The following PPEF1 variants were observed in gnomAD, a reference collection of about 807,000 sequenced individuals.
PPEF1 encodes protein phosphatase with EF-hand domain 1.
PPEF1 carries 12 observed loss-of-function variants against 53.3 expected under a neutral mutation model. The ratio of observed to expected loss-of-function variants is 0.23; its 90% CI spans 0.14 to 0.36. The LOEUF (loss-of-function observed/expected upper bound fraction) is 0.36, where lower values mean the gene tolerates loss of function less well. Among genes scored for constraint, PPEF1 ranks in the 10% least tolerant of loss-of-function variants. PPEF1 has a pLI of 1.00. For synonymous variants in PPEF1, 165 were observed against 176.7 expected (o/e 0.93, Z 0.52); for missense variants, 334 against 490.4 (o/e 0.68, Z 3.01).
At chrX:18,706,931 C>T (rs185916584), upstream of PPEF1, among the ~76,000 whole-genome samples, 1,248 of 97,781 alleles carry the variant, frequency 0.013, 11 homozygotes, top group Non-Finnish European at 0.02. Flanking sequence ...TGGGTTCAAG[C>T]GATTCTGCTG....
intron 9 of PPEF1, among the ~76,000 whole-genome samples, chrX:18,788,082 C>T (rs771556850): frequency 3.0e-3 from 335 of 111,444 alleles, no homozygotes; most frequent in Non-Finnish European, 4.0e-3. Context: ...TTTGGGAGGC[C>T]AAGGCGGGCG....
intron 8 of PPEF1, 111 bp from the exon 9 acceptor site, chrX:18,783,788 C>T (rs1193479134): frequency 1.4e-6 from 1 of 731,449 alleles, no homozygotes; most frequent in African/African-American, 2.1e-5. Flanking sequence ...TGACTCCTTG[C>T]TGACTTCCTT....
chrX:18,721,120 CTT>C (rs1336926033), intron 1 of PPEF1, among the ~76,000 whole-genome samples: 4 of 111,651 alleles, frequency 3.6e-5, no homozygotes, highest in Non-Finnish European at 7.5e-5. Context: ...CCAGCCCTCT[CTT>C]GTCTTCCCTT....
chrX:18,786,907 A>G (rs1054970512), intron 9 of PPEF1, among the ~76,000 whole-genome samples: 2 of 111,262 alleles, frequency 1.8e-5, no homozygotes, highest in South Asian at 3.9e-4. Flanking sequence ...TCAGTCACCA[A>G]TACAGACCCT....
Position 18,745,849 on chromosome X carries a change from A to C in PPEF1, c.236-3943A>C, listed in dbSNP as rs769373421. Among the ~76,000 whole-genome samples the C allele has an allele frequency of 5.3e-5, 6 of 112,493 alleles. No individual in the cohort carries two copies. In the South Asian group the frequency reaches 1.8e-3, roughly 34 times the overall value. ...TATTGAATTTATTATATGGACACCA[A>C]TGGTTCTGATCCAGATTCATAACTG... On this transcript the variant is annotated intron_variant, in intron 3 of 15. Transcript: ENST00000470157.
At chrX:18,741,865 G>A (rs1435888631) in intron 3 of PPEF1, among the ~76,000 whole-genome samples, 27 of 103,288 alleles carry the variant, frequency 2.6e-4, no homozygotes, top group African/African-American at 8.2e-4. Context: ...TTGCAGTGGC[G>A]CAATCTCACC....
chrX:18,779,475 G>A (rs1032179667), intron 7 of PPEF1, among the ~76,000 whole-genome samples: 2 of 111,734 alleles, frequency 1.8e-5, no homozygotes, highest in Admixed American at 1.9e-4. Context: ...GGGTAGGTGT[G>A]TGAGGCCAGG....
In PPEF1 at chrX:18,728,842, A is replaced by G. The variant is rs138268220; in HGVS notation, c.47-1339A>G. ...CTGGACCCCTGCTTTCAGAACTCAC[A>G]TCGTTCCTGTTATAGTCAACTCTTA... On this transcript the variant is annotated intron_variant, in intron 1 of 15. Coordinates refer to ENST00000470157, the MANE Select transcript of PPEF1 (RefSeq NM_001377996.1). 2.1e-4 allele frequency among the ~76,000 whole-genome samples: 23 copies of G among 111,856 alleles called. No homozygotes were observed. In the East Asian group the frequency reaches 5.9e-3, roughly 29 times the overall value.
intron 4 of PPEF1, among the ~76,000 whole-genome samples, chrX:18,757,220 T>G (rs1416389858): frequency 8.9e-6 from 1 of 111,892 alleles, no homozygotes; most frequent in African/African-American, 3.2e-5. Context: ...TTTGACCTAT[T>G]AAAATATGTT....
At chrX:18,677,217 T>G (rs1217400366) in intron 1 of PPEF1, among the ~76,000 whole-genome samples, 1 of 110,446 alleles carries the variant, frequency 9.1e-6, no homozygotes, top group Non-Finnish European at 1.9e-5. Flanking sequence ...TTTTGTATTT[T>G]TAGTAGAAAT....
At chrX:18,803,202 A>G (rs2046581978) in intron 10 of PPEF1, among the ~76,000 whole-genome samples, 1 of 112,761 alleles carries the variant, frequency 8.9e-6, no homozygotes, top group Admixed American at 9.4e-5. Flanking sequence ...GCCAAATTAA[A>G]GGAATAGGTT....
In PPEF1 at chrX:18,779,072, G is replaced by T. The variant is rs775930521; in HGVS notation, c.621G>T (p.Lys207Asn). Reference protein sequence around the residue: ...VFNGDFVDRGKNSIEILMILC... With the variant: ...VFNGDFVDRGNNSIEILMILC... Reference sequence around the variant, plus strand: ...ATGGTGACTTTGTAGATCGAGGAAAGAATTCCATAGAGATCCTAATGATCC... The same window carrying T: ...ATGGTGACTTTGTAGATCGAGGAAATAATTCCATAGAGATCCTAATGATCC... Residue 207 changes from lysine (K) to asparagine (N), a missense_variant, in exon 7 of 16, where the codon AAG (lysine) becomes AAT (asparagine). Lys to Asn is a moderately conservative substitution (Grantham distance 94). Transcript: ENST00000470157. 6 of 1,202,212 alleles carry T rather than the reference G, an allele frequency of 5.0e-6. No homozygotes were observed. Among genetic ancestry groups the T allele is most frequent in the Non-Finnish European group, 6.8e-6 (6 of 887,646 alleles).
chrX:18,788,997 G>C, intron 9 of PPEF1, 124 bp from the exon 10 acceptor site: 1 of 844,732 alleles, frequency 1.2e-6, no homozygotes, highest in Non-Finnish European at 1.7e-6. Flanking sequence ...GATGCAAAAA[G>C]TGACCGTGTG....
chrX:18,794,533 A>G (rs2046392091), intron 10 of PPEF1, among the ~76,000 whole-genome samples: 1 of 112,784 alleles, frequency 8.9e-6, no homozygotes, highest in African/African-American at 3.2e-5. Context: ...GGTAGTAGGC[A>G]GGGATGATAG....
At chrX:18,795,925 T>A (rs141284432) in intron 10 of PPEF1, among the ~76,000 whole-genome samples, 1,356 of 112,186 alleles carry the variant, frequency 0.012, 26 homozygotes, top group African/African-American at 0.041. Context: ...GGAAAAGATG[T>A]TACAGGACAC....
intron 13 of PPEF1, among the ~76,000 whole-genome samples, chrX:18,820,517 C>T (rs2147751835): frequency 9.1e-6 from 1 of 110,183 alleles, no homozygotes; most frequent in Admixed American, 9.7e-5. Flanking sequence ...TCCCGAGTAG[C>T]TGGGACTACA....
intron 4 of PPEF1, among the ~76,000 whole-genome samples, chrX:18,755,460 G>A (rs1004991368): frequency 4.5e-5 from 5 of 111,593 alleles, no homozygotes; most frequent in Non-Finnish European, 9.4e-5. Flanking sequence ...CCCGCTACTC[G>A]GGAGGCTGAG....
intron 6 of PPEF1, among the ~76,000 whole-genome samples, chrX:18,763,494 A>G (rs1212087562): frequency 1.8e-5 from 2 of 110,799 alleles, no homozygotes; most frequent in Non-Finnish European, 3.8e-5. Flanking sequence ...CAGTACTGAG[A>G]CAGTTGTTAT....
At chrX:18,825,545 T>G (rs752811176) in intron 14 of PPEF1, among the ~76,000 whole-genome samples, 1 of 112,429 alleles carries the variant, frequency 8.9e-6, no homozygotes, top group Admixed American at 9.5e-5. Flanking sequence ...TAGTTACTGC[T>G]GCCTTATTCA....
Sources: allele counts gnomAD v4.1 joint callset (sites outside exome capture counted in the v4.1 genomes callset), GRCh38; gene constraint gnomAD v4.1.1; transcripts MANE v1.5; gene names NCBI Gene and HGNC (gene_info 2026-07-23, HGNC 2026-07-21).